The following VAV3 variants were observed in gnomAD, a reference collection of about 807,000 sequenced individuals.
VAV3 encodes the protein guanine nucleotide exchange factor VAV3.
Under a neutral mutation model 131.2 loss-of-function variants are expected in VAV3, and 94 were observed. The ratio of observed to expected loss-of-function variants is 0.72; its 90% CI spans 0.61 to 0.85. VAV3 has a LOEUF of 0.85. Among genes scored for constraint, VAV3 ranks in the 40% least tolerant of loss-of-function variants. The pLI, the probability that VAV3 is intolerant of heterozygous loss-of-function variation, is 0.00. For synonymous variants in VAV3, 349 were observed against 342.0 expected, an observed-to-expected ratio of 1.02 and a Z score of -0.22; for missense variants, 939 against 1,002.7, an observed-to-expected ratio of 0.94 and a Z score of 0.86.
chr1:107,724,284 C>A (rs1661696556), intron 15 of VAV3, among the ~76,000 whole-genome samples: 3 of 151,768 alleles, frequency 2.0e-5, no homozygotes, highest in East Asian at 1.9e-4. Flanking sequence ...TCTATCCCTG[C>A]AACATAGGTC....
At chr1:107,914,149 G>A (rs1170153943) in intron 1 of VAV3, among the ~76,000 whole-genome samples, 2 of 152,156 alleles carry the variant, frequency 1.3e-5, no homozygotes, top group African/African-American at 4.8e-5. Context: ...GAGATGATAG[G>A]CAGATAGATG....
At chr1:107,850,542 AG>A (rs1233014258) in intron 2 of VAV3, among the ~76,000 whole-genome samples, 1 of 137,420 alleles carries the variant, frequency 7.3e-6, no homozygotes, top group African/African-American at 2.7e-5. Flanking sequence ...GGGCACAGGG[AG>A]GGGAACATCA....
rs1028939574 is a variant in VAV3, at chr1:107,932,106, G to A, written c.204+32560C>T. Among the ~76,000 whole-genome samples, 7 of 152,146 alleles carry A rather than the reference G, an allele frequency of 4.6e-5. No individual in the cohort carries two copies. The South Asian group carries it at 6.2e-4, about 14-fold the overall frequency. ...TGGTGCCCACACTTGTGTTTTCCCC[G>A]GCTTCAGTGGCATGTCAATTGGTTC... is the stretch of plus-strand genomic sequence containing the variant. On this transcript the variant is annotated intron_variant, in intron 1 of 26. Transcript: ENST00000370056.
Position 107,764,683 on chromosome 1 carries a change from C to T in VAV3, c.921+393G>A, listed in dbSNP as rs548974278. Among the ~76,000 whole-genome samples, 114 of 152,276 alleles carry T rather than the reference C, an allele frequency of 7.5e-4. 1 individual carries two copies. Among genetic ancestry groups the T allele is most frequent in the African/African-American group, 2.6e-3 (110 of 41,560 alleles). The stretch of plus-strand genomic sequence containing the variant: ...AACTACAGGCATGAGCCACCCTGCC[C>T]AGCTAACTAGTAAACATTTTAAATC... On this transcript the variant is annotated intron_variant, in intron 9 of 26. Coordinates refer to ENST00000370056, the MANE Select transcript of VAV3 (RefSeq NM_006113.5).
chr1:107,591,229 C>T (rs1259581925), intron 25 of VAV3, among the ~76,000 whole-genome samples: 1 of 152,128 alleles, frequency 6.6e-6, no homozygotes, highest in Non-Finnish European at 1.5e-5. Context: ...AATGGCCCTG[C>T]TCCCATTTCC....
intron 2 of VAV3, among the ~76,000 whole-genome samples, chr1:107,827,259 A>T (rs747080521): frequency 6.6e-6 from 1 of 152,174 alleles, no homozygotes; most frequent in Non-Finnish European, 1.5e-5. Context: ...GGACAGCACT[A>T]TTTGACACTT....
At chr1:107,888,081 AAAG>A (rs1396283409) in intron 1 of VAV3, among the ~76,000 whole-genome samples, 1 of 152,156 alleles carries the variant, frequency 6.6e-6, no homozygotes, top group African/African-American at 2.4e-5. Context: ...CATAAAGTAA[AAAG>A]AAAGGATTAA....
intron 20 of VAV3, among the ~76,000 whole-genome samples, chr1:107,635,062 C>T (rs11185153): frequency 0.74 from 111,302 of 151,142 alleles, 41,670 homozygotes; most frequent in Non-Finnish European, 0.81. Context: ...GTCAGTGTGG[C>T]GATTCCTCAG....
rs372568687 is a variant in VAV3 at position 107,704,996 on chromosome 1, C to T, written c.1568G>A (p.Arg523Gln). The T allele has an allele frequency of 3.1e-5, 50 of 1,613,782 alleles. No homozygotes were observed. In the South Asian group the frequency reaches 4.5e-4, roughly 15 times the overall value. The change falls in exon 16 of 27, where the codon CGA becomes CAA. Residue 523 changes from arginine (R) to glutamine (Q), a missense_variant. Transcript: ENST00000370056. Reference protein sequence around the residue: ...FHDFKMHTFTRVTSCKVCQML... With the variant: ...FHDFKMHTFTQVTSCKVCQML... ...CTGGCAGACTTTGCAGGATGTGACT[C>T]GAGTGAAGGTATGCATCTTGAAGTC... is the stretch of plus-strand genomic sequence containing the variant.
At chr1:107,670,238 T>C (rs2494047) in intron 19 of VAV3, among the ~76,000 whole-genome samples, 96,670 of 152,072 alleles carry the variant, frequency 0.64, 31,636 homozygotes, top group African/African-American at 0.79. Context: ...GCCAGCTATT[T>C]CGTGCCAAGC....
chr1:107,804,726 T>C (rs1666981805), intron 2 of VAV3, among the ~76,000 whole-genome samples: 1 of 152,124 alleles, frequency 6.6e-6, no homozygotes, highest in African/African-American at 2.4e-5. Context: ...GAACTTCAGT[T>C]TTACCAGTGG....
At chr1:107,814,477 T>G (rs1408947126) in intron 2 of VAV3, among the ~76,000 whole-genome samples, 1 of 137,332 alleles carries the variant, frequency 7.3e-6, no homozygotes, top group Non-Finnish European at 1.6e-5. Flanking sequence ...TGTTTTTACA[T>G]ACTTTTTAAT....
chr1:107,766,625 T>C, intron 7 of VAV3, 75 bp from the exon 8 acceptor site: 3 of 1,121,006 alleles, frequency 2.7e-6, no homozygotes, highest in South Asian at 2.7e-5. Context: ...AGAATCCTTT[T>C]AGTTGCTAGA....
chr1:107,603,894 T>A (rs537953760), intron 22 of VAV3, among the ~76,000 whole-genome samples: 1 of 151,796 alleles, frequency 6.6e-6, no homozygotes, highest in African/African-American at 2.4e-5. Flanking sequence ...AACCTCCGCC[T>A]CCTGGGTTCA....
chr1:107,853,743 AAC>A (rs1323843967), intron 2 of VAV3, among the ~76,000 whole-genome samples: 1 of 152,242 alleles, frequency 6.6e-6, no homozygotes, highest in African/African-American at 2.4e-5. Flanking sequence ...AAGGTTATCC[AAC>A]ATTCTATTTC....
intron 2 of VAV3, among the ~76,000 whole-genome samples, chr1:107,847,534 AAG>A (rs1036779835): frequency 7.2e-5 from 11 of 152,196 alleles, no homozygotes; most frequent in African/African-American, 2.4e-4. Context: ...CACACTAATA[AAG>A]ATGAAAAGAG....
At chr1:107,647,786 A>C (rs753509639) in intron 19 of VAV3, among the ~76,000 whole-genome samples, 18 of 151,988 alleles carry the variant, frequency 1.2e-4, no homozygotes, top group Non-Finnish European at 2.4e-4. Context: ...ATTACAGTGA[A>C]ATAAGTGCTG....
At chr1:107,683,289 A>G (rs1247843308) in intron 19 of VAV3, among the ~76,000 whole-genome samples, 199 bp downstream of exon 19, 1 of 152,242 alleles carries the variant, frequency 6.6e-6, no homozygotes, top group African/African-American at 2.4e-5. Context: ...CTGTGGAAAG[A>G]GTGCAATGCT....
At chr1:107,802,930 T>C (rs1666893586) in intron 2 of VAV3, among the ~76,000 whole-genome samples, 2 of 151,942 alleles carry the variant, frequency 1.3e-5, no homozygotes, top group African/African-American at 4.8e-5. Context: ...ATCAGTTCTT[T>C]AAATGTTTGG....
Sources: gnomAD v4.1 joint callset for allele counts (sites outside exome capture counted in the v4.1 genomes callset) on GRCh38, gnomAD v4.1.1 for gene constraint, MANE v1.5 for transcripts, NCBI Gene and HGNC (gene_info 2026-07-23, HGNC 2026-07-21) for gene names.